Variants in POU6F2 observed in about 807,000 individuals in gnomAD.
POU6F2 encodes the protein POU domain, class 6, transcription factor 2.
In POU6F2, 31 loss-of-function variants were observed where a neutral mutation model predicts 71.3. The observed-to-expected ratio is 0.43, with a 90% CI of 0.33 to 0.59. The LOEUF (loss-of-function observed/expected upper bound fraction) is 0.59, where lower values mean the gene tolerates loss of function less well. POU6F2 is among the 20% of genes least tolerant of loss of function. The pLI is 0.04. For synonymous variants in POU6F2, 347 were observed against 355.7 expected, an observed-to-expected ratio of 0.98 and a Z score of 0.27; for missense variants, 783 against 856.8, an observed-to-expected ratio of 0.91 and a Z score of 1.07.
At chr7:39,041,917 A>G (rs1790201267) in intron 1 of POU6F2, among the ~76,000 whole-genome samples, 1 of 151,922 alleles carries the variant, frequency 6.6e-6, no homozygotes, top group Non-Finnish European at 1.5e-5. Flanking sequence ...TCACCATGCG[A>G]GGAGGATTGG....
intron 2 of POU6F2, among the ~76,000 whole-genome samples, chr7:39,108,432 A>T (rs563962938): frequency 6.6e-6 from 1 of 152,060 alleles, no homozygotes; most frequent in Non-Finnish European, 1.5e-5. Flanking sequence ...TGGACTGCTC[A>T]TGGCAATGGC....
chr7:39,098,886 A>G (rs1472703498), intron 2 of POU6F2, among the ~76,000 whole-genome samples: 1 of 152,234 alleles, frequency 6.6e-6, no homozygotes, highest in Non-Finnish European at 1.5e-5. Context: ...TTTGGGCAGC[A>G]GATACCATAA....
intron 4 of POU6F2, among the ~76,000 whole-genome samples, chr7:39,246,624 G>C (rs1295074417): frequency 6.6e-6 from 1 of 152,136 alleles, no homozygotes; most frequent in Admixed American, 6.5e-5. Flanking sequence ...CCATGAAATT[G>C]ATGGGATGAC....
At chr7:39,196,639 A>G (rs1284452664) in intron 2 of POU6F2, among the ~76,000 whole-genome samples, 1 of 152,038 alleles carries the variant, frequency 6.6e-6, no homozygotes, top group African/African-American at 2.4e-5. Context: ...TGTGCCTGTA[A>G]TTCCAGCTAC....
At chr7:39,003,981 A>G (rs1004983786) in intron 1 of POU6F2, among the ~76,000 whole-genome samples, 1 of 152,184 alleles carries the variant, frequency 6.6e-6, no homozygotes, top group East Asian at 1.9e-4. Context: ...TTAGGTTTGG[A>G]GAATCATGTT....
At chr7:38,978,858 A>G (rs564394911) in intron 1 of POU6F2, among the ~76,000 whole-genome samples, 4 of 152,310 alleles carry the variant, frequency 2.6e-5, no homozygotes, top group African/African-American at 9.6e-5. Flanking sequence ...CAAATGGGTC[A>G]GTGAATCTTG....
At chr7:39,330,955 TG>T (rs1336003714) in intron 4 of POU6F2, among the ~76,000 whole-genome samples, 1 of 152,204 alleles carries the variant, frequency 6.6e-6, no homozygotes, top group African/African-American at 2.4e-5. Flanking sequence ...CCCCACTCTC[TG>T]GTAAACACTG....
At chr7:39,373,622 G>A (rs1382093625) in intron 5 of POU6F2, 1 of 422,254 alleles carries the variant, frequency 2.4e-6, no homozygotes, top group South Asian at 1.7e-5. Flanking sequence ...ATTTACTGGA[G>A]AAGCAATAAT....
At chr7:39,371,938 C>T (rs74495502) in intron 5 of POU6F2, among the ~76,000 whole-genome samples, 1 of 151,964 alleles carries the variant, frequency 6.6e-6, no homozygotes, top group African/African-American at 2.4e-5. Context: ...TTTTTCAAGA[C>T]AGGATCTTGC....
intron 5 of POU6F2, among the ~76,000 whole-genome samples, chr7:39,371,512 G>A (rs1340378583): frequency 3.3e-5 from 5 of 152,054 alleles, no homozygotes; most frequent in African/African-American, 4.8e-5. Flanking sequence ...CTGGGGGCTC[G>A]GAGCACTAAC....
At chr7:38,996,035 C>CTTTTTTTGTTTTTT (rs1788726419) in intron 1 of POU6F2, among the ~76,000 whole-genome samples, 1 of 85,390 alleles carries the variant, frequency 1.2e-5, no homozygotes, top group Non-Finnish European at 2.2e-5. Flanking sequence ...AGGGGCTTGG[C>CTTTTTTTGTTTTTT]TTTTTTTTTT....
At chr7:39,360,166 C>T (rs1374480070) in intron 5 of POU6F2, among the ~76,000 whole-genome samples, 2 of 152,164 alleles carry the variant, frequency 1.3e-5, no homozygotes, top group Admixed American at 1.3e-4. Context: ...TTTAGAATTG[C>T]ATTTTCAGAT....
rs1043924658 is a variant in POU6F2, at chr7:39,124,661, G to C, written c.277+38630G>C. 1.2e-4 allele frequency among the ~76,000 whole-genome samples: 18 copies of C among 152,228 alleles called. No individual in the cohort carries two copies. In the East Asian group the frequency reaches 3.3e-3, roughly 28 times the overall value. ...TCAATAACAACAGCAATAACAACAA[G>C]CAAAACCCACCGGTGAAGACTGAGT... On this transcript the variant is annotated intron_variant, in intron 2 of 9. Coordinates refer to ENST00000518318, the MANE Select transcript of POU6F2 (RefSeq NM_001370959.1).
chr7:39,183,191 G>A (rs1047922421), intron 2 of POU6F2, among the ~76,000 whole-genome samples: 2 of 152,210 alleles, frequency 1.3e-5, no homozygotes, highest in Non-Finnish European at 2.9e-5. Context: ...CACTCCTTAT[G>A]AGAATCTAAT....
At chr7:39,222,457 G>A (rs1794387353) in intron 4 of POU6F2, among the ~76,000 whole-genome samples, 1 of 152,052 alleles carries the variant, frequency 6.6e-6, no homozygotes. Context: ...CAGTTCTGTG[G>A]CACCAAGTAC....
intron 4 of POU6F2, among the ~76,000 whole-genome samples, chr7:39,294,523 A>T (rs12701719): frequency 0.46 from 69,203 of 151,248 alleles, 16,643 homozygotes; most frequent in Admixed American, 0.59. Context: ...AAGTAGCAAA[A>T]GAGCCAAACT....
intron 6 of POU6F2, among the ~76,000 whole-genome samples, chr7:39,426,689 C>G (rs1283427997): frequency 6.6e-6 from 1 of 152,148 alleles, no homozygotes; most frequent in Non-Finnish European, 1.5e-5. Context: ...GAATATTTCC[C>G]CCAAATTTGA....
chr7:39,229,833 G>A, intron 4 of POU6F2, among the ~76,000 whole-genome samples: 1 of 152,184 alleles, frequency 6.6e-6, no homozygotes. Context: ...GAGACAAGGG[G>A]AGATACTAAC....
chr7:39,139,768 A>C (rs1024157027), intron 2 of POU6F2, among the ~76,000 whole-genome samples: 7 of 152,110 alleles, frequency 4.6e-5, no homozygotes, highest in Non-Finnish European at 7.4e-5. Flanking sequence ...TGTGGACATG[A>C]GGGATGTGGC....
Sources: allele counts gnomAD v4.1 joint callset (sites outside exome capture counted in the v4.1 genomes callset), GRCh38; gene constraint gnomAD v4.1.1; transcripts MANE v1.5; gene names NCBI Gene and HGNC (gene_info 2026-07-23, HGNC 2026-07-21).